ROCK1: variants seen among roughly 807,000 people sequenced by gnomAD.
ROCK1 encodes the protein rho-associated protein kinase 1.
ROCK1 carries 36 observed loss-of-function variants against 196.8 expected under a neutral mutation model. The ratio of observed to expected loss-of-function variants is 0.18; its 90% confidence interval spans 0.14 to 0.24. The LOEUF is 0.24. Ranked by LOEUF, ROCK1 falls within the 10% of genes least tolerant of loss-of-function variation. ROCK1 has a pLI of 1.00. For synonymous variants in ROCK1, 443 were observed against 515.9 expected (o/e 0.86, Z 1.91); for missense variants, 920 against 1,562.0 (o/e 0.59, Z 6.93).
At chr18:21,037,530 T>C (rs575019498) in intron 9 of ROCK1, among the ~76,000 whole-genome samples, 1 of 151,848 alleles carries the variant, frequency 6.6e-6, no homozygotes, top group East Asian at 1.9e-4. Flanking sequence ...AAAGAAGGGG[T>C]AGGAAGAGGG....
chr18:21,071,818 T>C (rs745781849), intron 1 of ROCK1, among the ~76,000 whole-genome samples: 14 of 152,230 alleles, frequency 9.2e-5, no homozygotes, highest in Non-Finnish European at 1.6e-4. Flanking sequence ...ATGATACCGT[T>C]GGGAGAACAA....
At chr18:21,028,746 A>G (rs1265273761) in intron 10 of ROCK1, 30 bp downstream of exon 10, 2 of 1,546,430 alleles carry the variant, frequency 1.3e-6, no homozygotes, top group Admixed American at 4.4e-5. Context: ...ATCAGCACTT[A>G]CTCCTATAAT....
Position 20,969,215 on chromosome 18 carries a change from A to G in ROCK1, c.2821-7T>C, listed in dbSNP as rs537915082. 2.8e-5 allele frequency: 44 copies of G among 1,556,642 alleles called. No homozygotes were observed. The highest frequency in any genetic ancestry group is 3.8e-5 in the Non-Finnish European group (43 of 1,139,306). ...TGCTGTTTGCTTCTTCAAGCTAAAC[A>G]AAGCACACAAAAGTTTAAGCTCCAG... On this transcript the variant is annotated splice_polypyrimidine_tract_variant and splice_region_variant and intron_variant, in intron 23 of 32. Transcript: ENST00000399799.
intron 1 of ROCK1, among the ~76,000 whole-genome samples, chr18:21,096,664 G>C (rs909075400): frequency 6.6e-6 from 1 of 152,128 alleles, no homozygotes; most frequent in Non-Finnish European, 1.5e-5. Context: ...ATTATGTTTA[G>C]CCCACAAGGA....
intron 8 of ROCK1, among the ~76,000 whole-genome samples, chr18:21,040,095 C>G (rs2036092435): frequency 2.0e-5 from 3 of 152,232 alleles, no homozygotes; most frequent in Admixed American, 2.0e-4. Context: ...ACAAAAAACA[C>G]CCATGACTTT....
intron 22 of ROCK1, among the ~76,000 whole-genome samples, chr18:20,976,478 C>T (rs1003633566): frequency 6.6e-6 from 1 of 152,098 alleles, no homozygotes; most frequent in African/African-American, 2.4e-5. Flanking sequence ...TCCTGACATA[C>T]TGGGCCAGTG....
chr18:20,966,118 CA>C (rs2035372080), intron 27 of ROCK1, among the ~76,000 whole-genome samples: 1 of 152,072 alleles, frequency 6.6e-6, no homozygotes, highest in African/African-American at 2.4e-5. Context: ...ATCATGTATA[CA>C]AAACTTCCAA....
intron 22 of ROCK1, among the ~76,000 whole-genome samples, chr18:20,971,174 T>C (rs1334856508): frequency 1.3e-5 from 2 of 152,144 alleles, no homozygotes; most frequent in African/African-American, 2.4e-5. Context: ...TAGTCACTAC[T>C]GTATTCCCTG....
intron 16 of ROCK1, among the ~76,000 whole-genome samples, chr18:21,005,614 C>T (rs918188626): frequency 2.0e-5 from 3 of 152,192 alleles, no homozygotes; most frequent in African/African-American, 7.2e-5. Flanking sequence ...TGGTGTCTCA[C>T]ACCCATAATG....
intron 2 of ROCK1, among the ~76,000 whole-genome samples, chr18:21,052,800 C>T (rs1476734468): frequency 2.0e-5 from 3 of 152,126 alleles, no homozygotes; most frequent in East Asian, 3.8e-4. Context: ...TGCCACCCCC[C>T]AACCCCCATC....
At chr18:21,097,797 T>C (rs967183618) in intron 1 of ROCK1, among the ~76,000 whole-genome samples, 2 of 152,240 alleles carry the variant, frequency 1.3e-5, no homozygotes, top group African/African-American at 4.8e-5. Flanking sequence ...TGAGGGTCTA[T>C]GATTAATCTT....
rs1455450247 is a variant in ROCK1 at position 21,020,255 on chromosome 18, AAAAC to A, written c.1273-20_1273-17del. ...AACTTTCCTGCTTTAATTTAAAACAAAAACAAAAACTCATTCTACTAAGAATATT... is the reference window on the plus strand; with the variant it reads ...AACTTTCCTGCTTTAATTTAAAACAAAAAAACTCATTCTACTAAGAATATT... On this transcript the variant is annotated splice_polypyrimidine_tract_variant and intron_variant, in intron 11 of 32. Coordinates refer to ENST00000399799, the MANE Select transcript of ROCK1 (RefSeq NM_005406.3). 1 of 1,400,346 alleles carries A rather than the reference AAAAC, an allele frequency of 7.1e-7. No individual in the cohort carries two copies. Among genetic ancestry groups the A allele is most frequent in the African/African-American group, 1.5e-5 (1 of 68,924 alleles). 86.7% of individuals were successfully genotyped at this position (1,400,346 alleles called of 1,614,324 possible). A position where few individuals can be genotyped will look rare whatever the true frequency, so the allele number is the denominator to read the frequency against.
intron 1 of ROCK1, among the ~76,000 whole-genome samples, chr18:21,072,019 A>AG (rs1212122690): frequency 6.6e-6 from 1 of 152,180 alleles, no homozygotes; most frequent in East Asian, 1.9e-4. Flanking sequence ...CCCTATTAAC[A>AG]GGAATGACCT....
At chr18:21,050,651 T>C (rs1264822824) in intron 2 of ROCK1, among the ~76,000 whole-genome samples, 1 of 152,204 alleles carries the variant, frequency 6.6e-6, no homozygotes, top group African/African-American at 2.4e-5. Context: ...GCTATTAAAC[T>C]TCAGTTCCAG....
chr18:21,022,370 T>C (rs2035920801), intron 11 of ROCK1, among the ~76,000 whole-genome samples: 1 of 152,306 alleles, frequency 6.6e-6, no homozygotes, highest in South Asian at 2.1e-4. Flanking sequence ...TCTGGAGTAA[T>C]ATACTTCTCA....
intron 9 of ROCK1, among the ~76,000 whole-genome samples, chr18:21,030,340 GA>G (rs2035995291): frequency 6.6e-6 from 1 of 152,050 alleles, no homozygotes; most frequent in Non-Finnish European, 1.5e-5. Context: ...TCATTAATGG[GA>G]AAAAAGGTGT....
chr18:21,043,571 A>AGC (rs2036128159), intron 6 of ROCK1, among the ~76,000 whole-genome samples: 1 of 134,844 alleles, frequency 7.4e-6, no homozygotes, highest in Admixed American at 7.0e-5. Flanking sequence ...ATACATATAC[A>AGC]TAATGTATAT....
chr18:20,959,102 AT>A (rs1568367412), intron 29 of ROCK1, among the ~76,000 whole-genome samples: 11 of 20,562 alleles, frequency 5.3e-4, no homozygotes, highest in Non-Finnish European at 6.5e-4. Context: ...TAATATATAT[AT>A]TATATATATA....
At chr18:21,026,079 G>A (rs748174018) in intron 10 of ROCK1, among the ~76,000 whole-genome samples, 13 of 151,994 alleles carry the variant, frequency 8.6e-5, no homozygotes, top group Non-Finnish European at 1.2e-4. Context: ...AAACATTGGC[G>A]GTTGTTTATA....
Sources: gnomAD v4.1 joint callset for allele counts (sites outside exome capture counted in the v4.1 genomes callset) on GRCh38, gnomAD v4.1.1 for gene constraint, MANE v1.5 for transcripts, NCBI Gene and HGNC (gene_info 2026-07-23, HGNC 2026-07-21) for gene names.